The following CELSR1 variants were observed in gnomAD, a reference collection of about 807,000 sequenced individuals.
CELSR1 encodes the protein cadherin EGF LAG seven-pass G-type receptor 1.
In CELSR1, 110 loss-of-function variants were observed where a neutral mutation model predicts 249.1. That is an observed-to-expected ratio of 0.44 (90% confidence interval 0.38 to 0.52). CELSR1 has a LOEUF of 0.52. Ranked by LOEUF, CELSR1 falls within the 20% of genes least tolerant of loss-of-function variation. CELSR1 has a pLI of 0.00. For missense variants in CELSR1, 4,109 were observed against 4,296.4 expected (o/e 0.96, Z 1.22); for synonymous variants, 2,113 against 1,900.0 (o/e 1.11, Z -2.92).
At chr22:46,382,130 T>C (rs548076547) in intron 20 of CELSR1, 80 bp from the exon 21 acceptor site, 4 of 1,308,746 alleles carry the variant, frequency 3.1e-6, no homozygotes, top group African/African-American at 3.0e-5. Flanking sequence ...AGCAGGTGCT[T>C]CTCAAAAACC....
chr22:46,452,200 C>A (rs1569173276), intron 2 of CELSR1, among the ~76,000 whole-genome samples: 1 of 152,200 alleles, frequency 6.6e-6, no homozygotes, highest in East Asian at 1.9e-4. Context: ...ACCAGCCAGT[C>A]AGCAGGAACC....
chr22:46,363,276 G>A lies in CELSR1; in HGVS notation c.9036-29C>T. 2 of 1,599,608 alleles carry A rather than the reference G, an allele frequency of 1.3e-6. No individual in the cohort carries two copies. The highest frequency in any genetic ancestry group is 1.7e-6 in the Non-Finnish European group (2 of 1,168,404). On this transcript the variant is annotated intron_variant, in intron 34 of 34. Coordinates refer to ENST00000674500, the MANE Select transcript of CELSR1 (RefSeq NM_001378328.1). The surrounding 1 kb of genome is among the most constrained non-coding windows in gnomAD (Gnocchi z 4.3). Reference sequence around the variant, plus strand: ...CGCGTGGGAAGAAGCCAGCAAGCAGGTGAAGGGTCAGTGAGGGTAGCGGCT... The same window carrying A: ...CGCGTGGGAAGAAGCCAGCAAGCAGATGAAGGGTCAGTGAGGGTAGCGGCT...
intron 5 of CELSR1, among the ~76,000 whole-genome samples, chr22:46,426,738 A>G (rs1327734118): frequency 6.6e-6 from 1 of 152,202 alleles, no homozygotes; most frequent in Non-Finnish European, 1.5e-5. Flanking sequence ...GAGCCCCTCA[A>G]GAATGGGATA....
chr22:46,380,076 A>C lies in CELSR1; in HGVS notation c.7256+712T>G, dbSNP rs1441453393. On this transcript the variant is annotated intron_variant, in intron 22 of 34. Coordinates refer to ENST00000674500, the MANE Select transcript of CELSR1 (RefSeq NM_001378328.1). The surrounding 1 kb of genome is among the most constrained non-coding windows in gnomAD (Gnocchi z 5.1). ...GCTAAAAAGCAAAACCAAAGCACAA[A>C]CACTACTGGCTCCCAGCAGACGGGA... 2.0e-5 allele frequency among the ~76,000 whole-genome samples: 3 copies of C among 152,268 alleles called. No homozygotes were observed. Among genetic ancestry groups the C allele is most frequent in the Admixed American group, 6.5e-5 (1 of 15,300 alleles).
intron 4 of CELSR1, among the ~76,000 whole-genome samples, chr22:46,435,279 AT>A (rs887443508): frequency 0.013 from 1,417 of 108,382 alleles, 4 homozygotes; most frequent in East Asian, 0.024. Context: ...AAAAAAAAAA[AT>A]TTTTTTTTTT....
intron 5 of CELSR1, among the ~76,000 whole-genome samples, chr22:46,426,400 CAAGGTGCTGGTAGATTG>C (rs2079538479): frequency 1.3e-5 from 2 of 152,268 alleles, no homozygotes; most frequent in African/African-American, 4.8e-5. Flanking sequence ...AGTCCAAAAT[CAAGGTGCTGGTAGATTG>C]AACGTCTGGC....
Position 46,377,097 on chromosome 22 carries a change from C to G in CELSR1, c.7548G>C (p.Leu2516=). The change falls in exon 24 of 35, where the codon CTG becomes CTC. Residue 2516 remains leucine (L), a synonymous_variant. Transcript: ENST00000674500. ...HLAVALFLSQ[L]VFVIGINQTE... ...TCTGGTTGATCCCAATCACGAACAC[C>G]AGCTGAGAGAGGAAGAGCGCCACGG... 2 of 1,613,492 alleles carry G rather than the reference C, an allele frequency of 1.2e-6. No individual in the cohort carries two copies. Among genetic ancestry groups the G allele is most frequent in the Non-Finnish European group, 1.7e-6 (2 of 1,179,868 alleles).
chr22:46,417,221 C>T lies in CELSR1; in HGVS notation c.4612-5462G>A, dbSNP rs1195695495. Among the ~76,000 whole-genome samples the T allele has an allele frequency of 2.6e-5, 4 of 152,034 alleles. No individual in the cohort carries two copies. The highest frequency in any genetic ancestry group is 7.2e-5 in the African/African-American group (3 of 41,406). On this transcript the variant is annotated intron_variant, in intron 5 of 34. Coordinates refer to ENST00000674500, the MANE Select transcript of CELSR1 (RefSeq NM_001378328.1). This position sits in a 1 kb window ranked among gnomAD's most constrained non-coding sequence, Gnocchi z 4.1. ...CCCCGTGCCAGTTCTGGCATGGAGA[C>T]GACAAGCTCTCCCTCGGAGGCAGCC... is the stretch of plus-strand genomic sequence containing the variant.
chr22:46,380,680 A>G lies in CELSR1; in HGVS notation c.7256+108T>C. 2.3e-6 allele frequency: 3 copies of G among 1,303,910 alleles called. No homozygotes were observed. The highest frequency in any genetic ancestry group is 3.2e-6 in the Non-Finnish European group (3 of 944,538). 80.8% of individuals were successfully genotyped at this position (1,303,910 alleles called of 1,614,324 possible). ...CGGGGGACTTAAAGGGGAAACACAG[A>G]CCACAAGAGACCGTCCTCTTGGGGC... On this transcript the variant is annotated intron_variant, in intron 22 of 34. Coordinates refer to ENST00000674500, the MANE Select transcript of CELSR1 (RefSeq NM_001378328.1). The surrounding 1 kb of genome is among the most constrained non-coding windows in gnomAD (Gnocchi z 5.1).
Position 46,534,049 on chromosome 22 carries a change from C to T in CELSR1, c.3122G>A (p.Gly1041Glu), listed in dbSNP as rs1365499609. The change falls in exon 1 of 35, where the codon GGG becomes GAG. Residue 1041 changes from glycine (G) to glutamate (E), a missense_variant. Transcript: ENST00000674500. This position sits in a 1 kb window ranked among gnomAD's most constrained non-coding sequence, Gnocchi z 9.7. The part of the protein sequence containing the change: ...NAQIMYQIVE[G>E]DMRHFFQLDL... ...CAGCTGGAAGAAATGCCGCATGTCC[C>T]CTTCCACAATCTGATACATGATCTG... The T allele has an allele frequency of 1.9e-6, 3 of 1,613,668 alleles. No individual in the cohort carries two copies. Among genetic ancestry groups the T allele is most frequent in the Non-Finnish European group, 1.7e-6 (2 of 1,180,048 alleles).
intron 1 of CELSR1, among the ~76,000 whole-genome samples, chr22:46,507,953 G>C (rs2080532147): frequency 1.3e-5 from 2 of 152,150 alleles, no homozygotes; most frequent in African/African-American, 4.8e-5. Flanking sequence ...CACCCATCTG[G>C]CTGTTCCCAG....
rs958277268 is a variant in CELSR1, at chr22:46,398,035, C to T, written c.5527-187G>A. 5.9e-5 allele frequency among the ~76,000 whole-genome samples: 9 copies of T among 152,138 alleles called. No homozygotes were observed. Among genetic ancestry groups the T allele is most frequent in the South Asian group, 2.1e-4 (1 of 4,828 alleles). Reference sequence around the variant, plus strand: ...CTGCTGGCCGGAGTGCAGTGGAGGGCTGGGTGAGGAGCTCAGAGGGCACGC... The same window carrying T: ...CTGCTGGCCGGAGTGCAGTGGAGGGTTGGGTGAGGAGCTCAGAGGGCACGC... On this transcript the variant is annotated intron_variant, in intron 11 of 34. Transcript: ENST00000674500. The surrounding 1 kb of genome is among the most constrained non-coding windows in gnomAD (Gnocchi z 7.2).
At chr22:46,432,226 G>T (rs1035859107) in intron 5 of CELSR1, among the ~76,000 whole-genome samples, 1 of 152,232 alleles carries the variant, frequency 6.6e-6, no homozygotes, top group African/African-American at 2.4e-5. Context: ...AGGGACGCCG[G>T]TGGCCAGCAT....
At chr22:46,515,600 A>T (rs1384153038) in intron 1 of CELSR1, among the ~76,000 whole-genome samples, 2 of 152,198 alleles carry the variant, frequency 1.3e-5, no homozygotes, top group Non-Finnish European at 2.9e-5. Context: ...CACAGCCAAT[A>T]GGACGGGCCT....
chr22:46,389,907 G>A (rs1003402681), intron 17 of CELSR1, among the ~76,000 whole-genome samples: 1 of 152,088 alleles, frequency 6.6e-6, no homozygotes, highest in Non-Finnish European at 1.5e-5. Context: ...AGCTGAGACC[G>A]TGCCACTGTC....
At position 46,464,156 on chromosome 22, in the gene CELSR1, A is replaced by G. The variant is rs895795610; in HGVS notation, c.3734T>C (p.Phe1245Ser). 2 of 1,613,660 alleles carry G rather than the reference A, an allele frequency of 1.2e-6. No homozygotes were observed. The highest frequency in any genetic ancestry group is 1.7e-6 in the Non-Finnish European group (2 of 1,180,028). ...GACGTCGGTGTCGTTCTGGACGTTG[A>G]AGACGAAGACGTCGTCCTTGGTGGT... ...LSTTKDDVFV[F>S]NVQNDTDVSS... The change falls in exon 2 of 35, where the codon TTC (phenylalanine) becomes TCC (serine). Residue 1245 changes from phenylalanine (F) to serine (S), a missense_variant. By Grantham distance (155) the Phe-to-Ser change is radical (BLOSUM62 -2). This residue lies in a region of CELSR1 where 141 missense variants were observed against 209.4 expected (regional missense o/e 0.67). Coordinates refer to ENST00000674500, the MANE Select transcript of CELSR1 (RefSeq NM_001378328.1). The surrounding 1 kb of genome is among the most constrained non-coding windows in gnomAD (Gnocchi z 8.5).
chr22:46,504,946 G>A (rs1282057277), intron 1 of CELSR1, among the ~76,000 whole-genome samples: 5 of 152,228 alleles, frequency 3.3e-5, no homozygotes, highest in African/African-American at 1.2e-4. Flanking sequence ...CATCAACACA[G>A]TGGAAAATGA....
rs368381807 is a variant in CELSR1, at chr22:46,398,574, C to A, written c.5476G>T (p.Ala1826Ser). Residue 1826 changes from alanine to serine, a missense_variant, in exon 11 of 35, where the codon GCC becomes TCC. Ala to Ser is a moderately conservative substitution (Grantham distance 99). Coordinates refer to ENST00000674500, the MANE Select transcript of CELSR1 (RefSeq NM_001378328.1). The surrounding 1 kb of genome is among the most constrained non-coding windows in gnomAD (Gnocchi z 7.2). ...CGCACGGAGACCTTGTCTTCAGAGG[C>A]GCCTCCGACCACCACGCTCCTTACC... ...LTVRSVVVGG[A>S]SEDKVSVRRG... 6.2e-7 allele frequency: 1 copy of A among 1,613,836 alleles called. No individual in the cohort carries two copies. The highest frequency in any genetic ancestry group is 8.5e-7 in the Non-Finnish European group (1 of 1,179,908).
chr22:46,392,203 G>A lies in CELSR1; in HGVS notation c.5965-387C>T, dbSNP rs28453672. Among the ~76,000 whole-genome samples the A allele has an allele frequency of 3.2e-3, 483 of 152,368 alleles. 5 individuals carry two copies. Among genetic ancestry groups the A allele is most frequent in the African/African-American group, 0.01 (421 of 41,596 alleles). On this transcript the variant is annotated intron_variant, in intron 14 of 34. Coordinates refer to ENST00000674500, the MANE Select transcript of CELSR1 (RefSeq NM_001378328.1). Reference sequence around the variant, plus strand: ...AAGCCACCTGAACGTCCACCATTGGGTGGGTCAGGGTGACAATCAAGAGCT... The same window carrying A: ...AAGCCACCTGAACGTCCACCATTGGATGGGTCAGGGTGACAATCAAGAGCT...
Sources: gnomAD v4.1 joint callset for allele counts (sites outside exome capture counted in the v4.1 genomes callset) on GRCh38, gnomAD v4.1.1 for gene constraint, gnomAD v4.1.1 regional missense constraint, Gnocchi (gnomAD v3.1) non-coding constraint, MANE v1.5 for transcripts, NCBI Gene and HGNC (gene_info 2026-07-23, HGNC 2026-07-21) for gene names.